Variants in SCHIP1 observed in about 807,000 individuals in gnomAD.
The protein encoded by SCHIP1 is schwannomin interacting protein 1, also known as schwannomin-interacting protein 1.
A neutral mutation model predicts 29.7 loss-of-function variants in SCHIP1; 8 were observed. The ratio of observed to expected loss-of-function variants is 0.27; its 90% confidence interval spans 0.16 to 0.49. SCHIP1 has a LOEUF of 0.49. Among genes scored for constraint, SCHIP1 ranks in the 20% least tolerant of loss-of-function variants. The probability of loss-of-function intolerance (pLI) is 0.99; values close to 1 mark genes in which losing one functional copy is unlikely to be tolerated. For synonymous variants in SCHIP1, 76 were observed against 94.9 expected, an observed-to-expected ratio of 0.80 and a Z score of 1.16; for missense variants, 193 against 294.6, an observed-to-expected ratio of 0.66 and a Z score of 2.52.
the SCHIP1 span, among the ~76,000 whole-genome samples, chr3:159,565,084 G>T: frequency 6.6e-6 from 1 of 152,108 alleles, no homozygotes; most frequent in Non-Finnish European, 1.5e-5. Context: ...TCTCAAGCTA[G>T]AGTTCTTTGA....
chr3:159,504,317 A>G, the SCHIP1 span, among the ~76,000 whole-genome samples: 1 of 152,236 alleles, frequency 6.6e-6, no homozygotes, highest in Non-Finnish European at 1.5e-5. Flanking sequence ...TTCTTCTCCC[A>G]GAATATCTTG....
At chr3:159,749,348 T>C in the SCHIP1 span, among the ~76,000 whole-genome samples, 2 of 151,042 alleles carry the variant, frequency 1.3e-5, no homozygotes, top group East Asian at 3.9e-4. Context: ...GACCCCCATC[T>C]CGAAAGAGAA....
At chr3:159,699,766 A>C in the SCHIP1 span, among the ~76,000 whole-genome samples, 2 of 152,210 alleles carry the variant, frequency 1.3e-5, no homozygotes, top group Non-Finnish European at 2.9e-5. Flanking sequence ...AACACTACCT[A>C]GTGATGGCAT....
the SCHIP1 span, among the ~76,000 whole-genome samples, chr3:159,412,072 T>C: frequency 6.6e-6 from 1 of 152,234 alleles, no homozygotes; most frequent in Non-Finnish European, 1.5e-5. Flanking sequence ...TATTGTCTTG[T>C]ATAAACTTCA....
At chr3:159,642,717 C>T in the SCHIP1 span, among the ~76,000 whole-genome samples, 17 of 152,214 alleles carry the variant, frequency 1.1e-4, no homozygotes, top group Non-Finnish European at 1.0e-4. Flanking sequence ...CAGAGCTCCA[C>T]ATGCTCATGG....
At chr3:159,453,282 C>T in the SCHIP1 span, among the ~76,000 whole-genome samples, 1 of 152,212 alleles carries the variant, frequency 6.6e-6, no homozygotes, top group Non-Finnish European at 1.5e-5. Context: ...TCAGTTTTCT[C>T]ATCTGAAAAC....
At chr3:159,459,158 A>G in the SCHIP1 span, among the ~76,000 whole-genome samples, 1 of 152,122 alleles carries the variant, frequency 6.6e-6, no homozygotes. Context: ...TCGGCACTCA[A>G]TCATGTTTGC....
the SCHIP1 span, among the ~76,000 whole-genome samples, chr3:159,506,027 T>A: frequency 6.6e-6 from 1 of 152,306 alleles, no homozygotes; most frequent in Admixed American, 6.5e-5. Flanking sequence ...TAGTTCTAGA[T>A]CCCTGAGGAA....
At chr3:159,655,450 G>T in the SCHIP1 span, among the ~76,000 whole-genome samples, 1 of 152,104 alleles carries the variant, frequency 6.6e-6, no homozygotes, top group Non-Finnish European at 1.5e-5. Flanking sequence ...CTAACAAGGG[G>T]CCAGGCACTA....
At chr3:159,344,794 A>G in the SCHIP1 span, among the ~76,000 whole-genome samples, 1 of 152,234 alleles carries the variant, frequency 6.6e-6, no homozygotes, top group Non-Finnish European at 1.5e-5. Context: ...ACTATAGCTA[A>G]TAGGAATGTG....
chr3:159,477,449 A>C, the SCHIP1 span, among the ~76,000 whole-genome samples: 1 of 152,124 alleles, frequency 6.6e-6, no homozygotes, highest in African/African-American at 2.4e-5. Flanking sequence ...AACACTTGCT[A>C]TCCTTCATCT....
chr3:159,370,334 A>G, the SCHIP1 span, among the ~76,000 whole-genome samples: 1 of 152,234 alleles, frequency 6.6e-6, no homozygotes, highest in East Asian at 1.9e-4. Flanking sequence ...GGTGTGGTTC[A>G]TTTCTATACT....
At chr3:159,419,592 T>C in the SCHIP1 span, among the ~76,000 whole-genome samples, 2 of 152,146 alleles carry the variant, frequency 1.3e-5, no homozygotes, top group Non-Finnish European at 2.9e-5. Context: ...GTAGATCACC[T>C]GAGGTCAGGA....
the SCHIP1 span, among the ~76,000 whole-genome samples, chr3:159,493,988 G>T: frequency 2.0e-5 from 3 of 152,036 alleles, no homozygotes; most frequent in Non-Finnish European, 4.4e-5. Context: ...TGAACAACCT[G>T]CTCCTGAATG....
chr3:159,346,460 A>G, the SCHIP1 span, among the ~76,000 whole-genome samples: 1 of 152,076 alleles, frequency 6.6e-6, no homozygotes, highest in Admixed American at 6.5e-5. Context: ...AAATGAAAGC[A>G]TATTGTCAGT....
chr3:159,692,724 C>A, the SCHIP1 span, among the ~76,000 whole-genome samples: 6 of 152,200 alleles, frequency 3.9e-5, no homozygotes, highest in Non-Finnish European at 8.8e-5. Flanking sequence ...GTTTGTATTT[C>A]TCTCAGGCTG....
At position 159,890,043 on chromosome 3, in the gene SCHIP1, C is replaced by G. The variant is rs1171752151; in HGVS notation, c.589+1100C>G. Among the ~76,000 whole-genome samples, 8 of 150,630 alleles carry G rather than the reference C, an allele frequency of 5.3e-5. No individual in the cohort carries two copies. In the East Asian group the frequency reaches 1.4e-3, roughly 26 times the overall value. On this transcript the variant is annotated intron_variant, in intron 5 of 6. Coordinates refer to ENST00000445224, the Ensembl canonical transcript of SCHIP1. Reference sequence around the variant, plus strand: ...CCGGGAGGCGGAGCTTGCAGTGAGCCGAGATCTCGCCACTGCACTCCAGCC... The same window carrying G: ...CCGGGAGGCGGAGCTTGCAGTGAGCGGAGATCTCGCCACTGCACTCCAGCC...
the SCHIP1 span, among the ~76,000 whole-genome samples, chr3:159,664,576 G>A: frequency 6.6e-6 from 1 of 152,222 alleles, no homozygotes; most frequent in East Asian, 1.9e-4. Flanking sequence ...TTATGTTACT[G>A]CAAGAACTCT....
chr3:159,773,551 G>A, the SCHIP1 span, among the ~76,000 whole-genome samples: 1 of 152,010 alleles, frequency 6.6e-6, no homozygotes, highest in Non-Finnish European at 1.5e-5. Flanking sequence ...AAATGAATGG[G>A]TGTTCCCCAA....
Sources: gnomAD v4.1 joint callset for allele counts (sites outside exome capture counted in the v4.1 genomes callset) on GRCh38, gnomAD v4.1.1 for gene constraint, MANE v1.5 for transcripts, NCBI Gene and HGNC (gene_info 2026-07-23, HGNC 2026-07-21) for gene names.